The following ITGB5 variants were observed in gnomAD, a reference collection of about 807,000 sequenced individuals.
The protein encoded by ITGB5 is integrin beta-5.
In ITGB5, 38 loss-of-function variants were observed where a neutral mutation model predicts 84.8. The observed-to-expected ratio is 0.45, with a 90% CI of 0.35 to 0.59. The LOEUF is 0.59. ITGB5 is among the 20% of genes least tolerant of loss of function. The pLI, the probability that ITGB5 is intolerant of heterozygous loss-of-function variation, is 0.01. For missense variants in ITGB5, 905 were observed against 1,034.5 expected (o/e 0.87, Z 1.72); for synonymous variants, 393 against 414.4 (o/e 0.95, Z 0.63).
chr3:124,875,458 C>T (rs1934264091), intron 1 of ITGB5, among the ~76,000 whole-genome samples: 1 of 122,630 alleles, frequency 8.2e-6, no homozygotes, highest in Non-Finnish European at 1.6e-5. Flanking sequence ...CCCTGGGTGA[C>T]AGAGCAAGAC....
intron 7 of ITGB5, among the ~76,000 whole-genome samples, chr3:124,819,075 G>T (rs1032379087): frequency 6.6e-6 from 1 of 152,186 alleles, no homozygotes; most frequent in African/African-American, 2.4e-5. Context: ...GTTCATGTGG[G>T]GAGTTTTTGA....
chr3:124,860,602 G>A (rs2065283159), intron 2 of ITGB5, among the ~76,000 whole-genome samples: 1 of 152,274 alleles, frequency 6.6e-6, no homozygotes, highest in South Asian at 2.1e-4. Context: ...AGCCTCCCTG[G>A]TCATTTCCGG....
chr3:124,769,136 G>T (rs1374826543), intron 11 of ITGB5, 23 bp from the exon 12 acceptor site: 2 of 1,598,396 alleles, frequency 1.3e-6, no homozygotes, highest in South Asian at 1.1e-5. Flanking sequence ...GGAGATAAAG[G>T]TGGGTGTCAG....
chr3:124,773,452 G>A (rs989056801), intron 11 of ITGB5, among the ~76,000 whole-genome samples: 7 of 152,228 alleles, frequency 4.6e-5, no homozygotes, highest in African/African-American at 1.4e-4. Context: ...TAGGAACAGA[G>A]TAGCAGTTTT....
At chr3:124,838,664 T>C (rs916155819) in intron 5 of ITGB5, among the ~76,000 whole-genome samples, 7 of 152,128 alleles carry the variant, frequency 4.6e-5, no homozygotes, top group African/African-American at 1.7e-4. Context: ...TGCAGTGGCA[T>C]GATCTCGGTT....
At chr3:124,835,775 A>G (rs994876791) in intron 5 of ITGB5, among the ~76,000 whole-genome samples, 3 of 152,238 alleles carry the variant, frequency 2.0e-5, no homozygotes, top group African/African-American at 7.2e-5. Flanking sequence ...AAATCAGGCA[A>G]TAAGTCAAAA....
At chr3:124,777,056 G>A (rs942885040) in intron 10 of ITGB5, among the ~76,000 whole-genome samples, 7 of 152,196 alleles carry the variant, frequency 4.6e-5, no homozygotes, top group African/African-American at 1.2e-4. Context: ...TTGCAGGCCC[G>A]AGAGTTCCAC....
intron 9 of ITGB5, among the ~76,000 whole-genome samples, chr3:124,805,612 C>T (rs113651560): frequency 0.017 from 2,623 of 152,212 alleles, 76 homozygotes; most frequent in African/African-American, 0.06. Flanking sequence ...CTACCATGCC[C>T]GGCTAATTTT....
rs2063884664 is a variant in ITGB5 at position 124,773,866 on chromosome 3, G to A, written c.1740C>T (p.Tyr580=). The change falls in exon 11 of 15, where the codon TAC becomes TAT. Residue 580 remains tyrosine, a synonymous_variant. Coordinates refer to ENST00000296181, the MANE Select transcript of ITGB5 (RefSeq NM_002213.5). ...HCGECKCHAG[Y]IGDNCNCSTD... ...TCGAGCAGTTACAGTTGTCCCCGAT[G>A]TAACCTGCATGGCACTTGCATTCCC... 5.6e-6 allele frequency: 9 copies of A among 1,614,244 alleles called. No homozygotes were observed. The highest frequency in any genetic ancestry group is 7.6e-6 in the Non-Finnish European group (9 of 1,180,048).
At chr3:124,862,364 A>C (rs1246700273) in intron 2 of ITGB5, 1 of 152,172 alleles carries the variant, frequency 6.6e-6, no homozygotes, top group African/African-American at 2.4e-5. Context: ...AACCTGCTTC[A>C]CCTAAGCAGG....
chr3:124,785,519 A>T (rs1158358439), intron 10 of ITGB5, among the ~76,000 whole-genome samples: 1 of 148,282 alleles, frequency 6.7e-6, no homozygotes, highest in Non-Finnish European at 1.5e-5. Flanking sequence ...CGGGAGGCAG[A>T]GGTTGCAGTG....
At chr3:124,831,148 T>C (rs903177070) in intron 5 of ITGB5, among the ~76,000 whole-genome samples, 9 of 152,190 alleles carry the variant, frequency 5.9e-5, no homozygotes, top group Non-Finnish European at 1.0e-4. Context: ...CTACTTCCTA[T>C]GGTGTCTCTC....
intron 1 of ITGB5, among the ~76,000 whole-genome samples, chr3:124,894,946 A>C (rs985740634): frequency 4.7e-5 from 7 of 149,734 alleles, no homozygotes; most frequent in African/African-American, 1.5e-4. Context: ...CTCCCCCCCA[A>C]ATCTTACAAT....
chr3:124,768,169 A>T (rs1010353306), intron 12 of ITGB5, among the ~76,000 whole-genome samples: 1 of 152,232 alleles, frequency 6.6e-6, no homozygotes, highest in Non-Finnish European at 1.5e-5. Context: ...ACAGACAGGC[A>T]GCTGGGGGCC....
intron 10 of ITGB5, among the ~76,000 whole-genome samples, chr3:124,776,727 G>C (rs1465204510): frequency 6.6e-6 from 1 of 152,218 alleles, no homozygotes; most frequent in Non-Finnish European, 1.5e-5. Context: ...GGCATGCTCA[G>C]CGCTAAGCAA....
At chr3:124,889,439 T>C (rs1481605059), upstream of ITGB5, among the ~76,000 whole-genome samples, 2 of 152,146 alleles carry the variant, frequency 1.3e-5, no homozygotes, top group Non-Finnish European at 2.9e-5. Flanking sequence ...CCCTAAAACG[T>C]ATAAAAGCAC....
At chr3:124,820,721 T>C (rs982074596) in intron 6 of ITGB5, among the ~76,000 whole-genome samples, 1 of 152,254 alleles carries the variant, frequency 6.6e-6, no homozygotes, top group African/African-American at 2.4e-5. Context: ...GTCTGGGTGA[T>C]GGGCATGTAG....
intron 2 of ITGB5, among the ~76,000 whole-genome samples, chr3:124,865,475 TTTTTTC>T (rs1219661709): frequency 0.011 from 781 of 74,168 alleles, 15 homozygotes; most frequent in African/African-American, 0.036. Context: ...CCTTTGCGGC[TTTTTTC>T]TTTTTTTTTT....
chr3:124,816,805 C>G (rs1056464565), intron 8 of ITGB5, among the ~76,000 whole-genome samples: 1 of 152,206 alleles, frequency 6.6e-6, no homozygotes, highest in Non-Finnish European at 1.5e-5. Flanking sequence ...AGAACTTACA[C>G]TTATTATATT....
Sources: allele counts gnomAD v4.1 joint callset (sites outside exome capture counted in the v4.1 genomes callset), GRCh38; gene constraint gnomAD v4.1.1; transcripts MANE v1.5; gene names NCBI Gene and HGNC (gene_info 2026-07-23, HGNC 2026-07-21).